The following LINGO2 variants were observed in gnomAD, a reference collection of about 807,000 sequenced individuals.
LINGO2 encodes the protein leucine rich repeat and Ig domain containing 2, also known as leucine-rich repeat and immunoglobulin-like domain-containing nogo receptor-interacting protein 2.
In LINGO2, 14 loss-of-function variants were observed where a neutral mutation model predicts 30.6. That is an observed-to-expected ratio of 0.46 (90% CI 0.30 to 0.72). LINGO2 has a LOEUF of 0.72. Among genes scored for constraint, LINGO2 ranks in the 30% least tolerant of loss-of-function variants. The pLI is 0.07. For synonymous variants in LINGO2, 317 were observed against 288.5 expected, an observed-to-expected ratio of 1.10 and a Z score of -1.00; for missense variants, 729 against 751.7, an observed-to-expected ratio of 0.97 and a Z score of 0.35.
At chr9:27,951,962 A>G (rs1181620207) in intron 5 of LINGO2, among the ~76,000 whole-genome samples, 1 of 152,242 alleles carries the variant, frequency 6.6e-6, no homozygotes, top group African/African-American at 2.4e-5. Context: ...CTAAATCACT[A>G]GAAAATTTTC....
At chr9:27,957,585 A>C (rs181807969) in intron 5 of LINGO2, among the ~76,000 whole-genome samples, 10 of 152,128 alleles carry the variant, frequency 6.6e-5, no homozygotes, top group Admixed American at 1.3e-4. Flanking sequence ...GAGCCACCGC[A>C]CCCGGCCACT....
the LINGO2 span, among the ~76,000 whole-genome samples, chr9:28,793,283 T>C: frequency 2.0e-5 from 3 of 152,182 alleles, no homozygotes; most frequent in African/African-American, 7.2e-5. Flanking sequence ...TTTAATTGAA[T>C]ACAGCTACAA....
At chr9:27,944,308 G>A (rs1250884913), downstream of LINGO2, 1 of 152,080 alleles carries the variant, frequency 6.6e-6, no homozygotes, top group African/African-American at 2.4e-5. Context: ...GTGTTTATTA[G>A]GTTAATTGAG....
At chr9:28,140,231 C>T (rs1201694340) in intron 4 of LINGO2, among the ~76,000 whole-genome samples, 1 of 152,152 alleles carries the variant, frequency 6.6e-6, no homozygotes. Flanking sequence ...ATTGAGGAAG[C>T]CAGGGCAATC....
intron 4 of LINGO2, among the ~76,000 whole-genome samples, chr9:28,224,784 T>C (rs1821089225): frequency 6.6e-6 from 1 of 152,112 alleles, no homozygotes; most frequent in African/African-American, 2.4e-5. Context: ...CTAAAATTTG[T>C]ATGGAATCAC....
chr9:29,120,594 T>C, the LINGO2 span, among the ~76,000 whole-genome samples: 5 of 152,186 alleles, frequency 3.3e-5, no homozygotes, highest in African/African-American at 9.6e-5. Context: ...AATGCTCTAA[T>C]TAAATGGATT....
rs16912734 is a variant in LINGO2, at chr9:28,363,278, A to G, written c.-246+9558T>C. On this transcript the variant is annotated intron_variant, in intron 3 of 5. Transcript: ENST00000379992. ...CAATGATAAGTGAAACAGCCATGACATATACACATTAGTCCTATTGAGAAG... is the reference window on the plus strand; with the variant it reads ...CAATGATAAGTGAAACAGCCATGACGTATACACATTAGTCCTATTGAGAAG... Among the ~76,000 whole-genome samples the G allele has an allele frequency of 4.0e-3, 610 of 152,328 alleles. 4 individuals carry two copies. The highest frequency in any genetic ancestry group is 0.014 in the African/African-American group (588 of 41,570).
chr9:29,119,365 G>A, the LINGO2 span, among the ~76,000 whole-genome samples: 8 of 151,028 alleles, frequency 5.3e-5, no homozygotes, highest in Admixed American at 1.3e-4. Context: ...ACGTGTGCGC[G>A]CACACACACA....
At chr9:28,889,623 T>C in the LINGO2 span, among the ~76,000 whole-genome samples, 823 of 152,212 alleles carry the variant, frequency 5.4e-3, 8 homozygotes, top group African/African-American at 0.019. Flanking sequence ...AAATTTTAAA[T>C]GTATTATTAA....
intron 1 of LINGO2, among the ~76,000 whole-genome samples, chr9:28,538,410 C>T (rs1218238207): frequency 1.3e-4 from 20 of 151,916 alleles, no homozygotes; most frequent in Admixed American, 1.3e-3. Context: ...TAGAGATATT[C>T]AGTCGTGACA....
chr9:28,539,682 C>T (rs1821590885), intron 1 of LINGO2, among the ~76,000 whole-genome samples: 1 of 152,108 alleles, frequency 6.6e-6, no homozygotes, highest in South Asian at 2.1e-4. Context: ...CTCATCTTTG[C>T]TTATTTAATA....
At chr9:28,592,629 G>A (rs926061958) in intron 1 of LINGO2, among the ~76,000 whole-genome samples, 13 of 152,058 alleles carry the variant, frequency 8.5e-5, no homozygotes, top group Admixed American at 7.9e-4. Context: ...TAGATCACAT[G>A]TCCATGGTTG....
At chr9:29,173,541 A>T in the LINGO2 span, among the ~76,000 whole-genome samples, 1 of 152,142 alleles carries the variant, frequency 6.6e-6, no homozygotes, top group Non-Finnish European at 1.5e-5. Flanking sequence ...GAGAAGAAAA[A>T]TCAAAAGTGA....
At chr9:28,619,755 C>A (rs1393614358) in intron 1 of LINGO2, among the ~76,000 whole-genome samples, 2 of 152,070 alleles carry the variant, frequency 1.3e-5, no homozygotes, top group Non-Finnish European at 2.9e-5. Context: ...GTGCTATGTG[C>A]AACTACACTA....
intron 1 of LINGO2, among the ~76,000 whole-genome samples, chr9:28,492,328 G>A (rs1826431855): frequency 6.6e-6 from 1 of 152,138 alleles, no homozygotes; most frequent in Admixed American, 6.6e-5. Context: ...ATAAAGCATT[G>A]AGAACACATA....
intron 4 of LINGO2, among the ~76,000 whole-genome samples, chr9:28,292,422 C>T (rs1404802820): frequency 6.6e-6 from 1 of 152,058 alleles, no homozygotes; most frequent in East Asian, 1.9e-4. Flanking sequence ...CCATTATGGT[C>T]CAAGAACATA....
chr9:28,243,852 C>T (rs1343006302), intron 4 of LINGO2, among the ~76,000 whole-genome samples: 1 of 152,118 alleles, frequency 6.6e-6, no homozygotes, highest in African/African-American at 2.4e-5. Flanking sequence ...TACAAAGATA[C>T]TTAGACTCCC....
chr9:28,519,303 G>A (rs1217869224), intron 1 of LINGO2, among the ~76,000 whole-genome samples: 2 of 152,040 alleles, frequency 1.3e-5, no homozygotes, highest in East Asian at 1.9e-4. Flanking sequence ...CCAAAGTGCT[G>A]GGATTATAGG....
chr9:28,409,615 G>T (rs1224931315), intron 2 of LINGO2, among the ~76,000 whole-genome samples: 5 of 129,538 alleles, frequency 3.9e-5, no homozygotes, highest in African/African-American at 7.7e-5. Flanking sequence ...TAACAGATGT[G>T]CAGGGGTGTG....
Sources: gnomAD v4.1 joint callset for allele counts (sites outside exome capture counted in the v4.1 genomes callset) on GRCh38, gnomAD v4.1.1 for gene constraint, MANE v1.5 for transcripts, NCBI Gene and HGNC (gene_info 2026-07-23, HGNC 2026-07-21) for gene names.